The following GLIS3 variants were observed in gnomAD, a reference collection of about 807,000 sequenced individuals.
GLIS3 encodes the protein zinc finger protein GLIS3.
GLIS3 carries 53 observed loss-of-function variants against 78.6 expected under a neutral mutation model. The observed-to-expected ratio is 0.67, with a 90% CI of 0.54 to 0.85. GLIS3 has a LOEUF of 0.85. Ranked by LOEUF, GLIS3 falls within the 40% of genes least tolerant of loss-of-function variation. The pLI is 0.00. For missense variants in GLIS3, 1,703 were observed against 1,231.1 expected (o/e 1.38, Z -5.74); for synonymous variants, 684 against 509.9 (o/e 1.34, Z -4.60).
At chr9:4,155,644 G>C (rs1365619424) in intron 2 of GLIS3, among the ~76,000 whole-genome samples, 1 of 152,256 alleles carries the variant, frequency 6.6e-6, no homozygotes, top group East Asian at 1.9e-4. Flanking sequence ...GTCCGAGCCA[G>C]GTACAGTGTC....
At chr9:3,976,817 A>ATCC in intron 4 of GLIS3, among the ~76,000 whole-genome samples, 1 of 86,558 alleles carries the variant, frequency 1.2e-5, no homozygotes, top group Non-Finnish European at 2.7e-5. Flanking sequence ...AAAAAAAAAA[A>ATCC]AAAAAAAAAA....
At chr9:4,233,032 G>C (rs989775031) in intron 2 of GLIS3, among the ~76,000 whole-genome samples, 1 of 152,160 alleles carries the variant, frequency 6.6e-6, no homozygotes, top group Non-Finnish European at 1.5e-5. Flanking sequence ...CCACACGACA[G>C]CAATGCTTAT....
the GLIS3 span, among the ~76,000 whole-genome samples, chr9:4,435,948 C>CAAAA: frequency 1.0e-5 from 1 of 96,326 alleles, no homozygotes; most frequent in African/African-American, 3.0e-5. Flanking sequence ...GACTCCGTCT[C>CAAAA]AAAACAAAAC....
chr9:3,969,802 G>A (rs1486765311), intron 4 of GLIS3, among the ~76,000 whole-genome samples: 1 of 152,172 alleles, frequency 6.6e-6, no homozygotes, highest in African/African-American at 2.4e-5. Flanking sequence ...CCTAATGACA[G>A]GAAAGCTAGG....
intron 2 of GLIS3, among the ~76,000 whole-genome samples, chr9:4,178,437 G>A (rs1365093218): frequency 6.6e-6 from 1 of 152,178 alleles, no homozygotes; most frequent in Non-Finnish European, 1.5e-5. Flanking sequence ...TGAGATAGGA[G>A]AAGGAGGGGA....
At chr9:4,011,564 C>T (rs1822013842) in intron 4 of GLIS3, among the ~76,000 whole-genome samples, 1 of 152,168 alleles carries the variant, frequency 6.6e-6, no homozygotes, top group South Asian at 2.1e-4. Context: ...GTCTAGAATA[C>T]AAAGCTGCCT....
At chr9:4,069,013 TAAGTGGCTTGTTCA>T (rs1827357590) in intron 4 of GLIS3, among the ~76,000 whole-genome samples, 1 of 152,060 alleles carries the variant, frequency 6.6e-6, no homozygotes, top group Non-Finnish European at 1.5e-5. Flanking sequence ...CCCAGAAAAG[TAAGTGGCTTGTTCA>T]TGTCAGGCCA....
intron 2 of GLIS3, among the ~76,000 whole-genome samples, chr9:4,223,391 G>C (rs1821499855): frequency 6.6e-6 from 1 of 152,188 alleles, no homozygotes; most frequent in Non-Finnish European, 1.5e-5. Context: ...GAGATTAAAA[G>C]CCTGTTAAGT....
intron 2 of GLIS3, among the ~76,000 whole-genome samples, chr9:4,134,539 C>T (rs991180769): frequency 1.3e-5 from 2 of 152,162 alleles, no homozygotes; most frequent in Non-Finnish European, 2.9e-5. Flanking sequence ...ATACTATACA[C>T]CCTACATGGT....
chr9:4,326,925 G>A (rs1048099007), intron 2 of GLIS3, among the ~76,000 whole-genome samples: 2 of 152,142 alleles, frequency 1.3e-5, no homozygotes, highest in African/African-American at 4.8e-5. Context: ...CACCACCAAA[G>A]GATAAAGTTA....
At chr9:4,027,700 A>C (rs1246858880) in intron 4 of GLIS3, among the ~76,000 whole-genome samples, 1 of 152,204 alleles carries the variant, frequency 6.6e-6, no homozygotes, top group Non-Finnish European at 1.5e-5. Context: ...TCATTTCAGC[A>C]ATCACATTTG....
At chr9:3,849,599 C>G (rs952193751) in intron 9 of GLIS3, among the ~76,000 whole-genome samples, 1 of 152,142 alleles carries the variant, frequency 6.6e-6, no homozygotes, top group African/African-American at 2.4e-5. Context: ...TGCACTGTTT[C>G]CTGTTAGACG....
chr9:3,830,054 C>A (rs1382065671), intron 9 of GLIS3, among the ~76,000 whole-genome samples: 1 of 152,052 alleles, frequency 6.6e-6, no homozygotes, highest in Non-Finnish European at 1.5e-5. Context: ...TATTGTTGAT[C>A]TTTGCAGTAA....
At chr9:4,163,191 C>A (rs1229561228) in intron 2 of GLIS3, among the ~76,000 whole-genome samples, 1 of 152,232 alleles carries the variant, frequency 6.6e-6, no homozygotes, top group Admixed American at 6.5e-5. Flanking sequence ...CTGCCTGGGT[C>A]CATAGCTGCT....
Position 4,189,924 on chromosome 9 carries a change from G to A in GLIS3, c.389-63983C>T, listed in dbSNP as rs147209230. 2.9e-3 allele frequency among the ~76,000 whole-genome samples: 443 copies of A among 152,100 alleles called. 2 individuals carry two copies. Among genetic ancestry groups the A allele is most frequent in the African/African-American group, 0.01 (427 of 41,486 alleles). ...TGCTGCTGATACCCAGGCAAACAGCGTCTGGAGTGGACCTCTAGCAAACTC... is the reference window on the plus strand; with the variant it reads ...TGCTGCTGATACCCAGGCAAACAGCATCTGGAGTGGACCTCTAGCAAACTC... On this transcript the variant is annotated intron_variant, in intron 2 of 10. Coordinates refer to ENST00000381971, the MANE Select transcript of GLIS3 (RefSeq NM_001042413.2).
At chr9:3,888,830 T>C (rs1822243579) in intron 7 of GLIS3, among the ~76,000 whole-genome samples, 1 of 152,098 alleles carries the variant, frequency 6.6e-6, no homozygotes, top group African/African-American at 2.4e-5. Context: ...TTTTTTCAAA[T>C]AATTTTTATG....
intron 6 of GLIS3, among the ~76,000 whole-genome samples, chr9:3,922,435 T>G (rs534842216): frequency 2.2e-4 from 34 of 152,210 alleles, no homozygotes; most frequent in Admixed American, 5.2e-4. Context: ...TTGGTTTCAA[T>G]GAAAGTTTGC....
At chr9:4,020,719 C>A (rs1309722237) in intron 4 of GLIS3, among the ~76,000 whole-genome samples, 2 of 152,206 alleles carry the variant, frequency 1.3e-5, no homozygotes, top group Admixed American at 6.5e-5. Context: ...ATTATTTACA[C>A]GGTGTCAGAT....
chr9:4,356,585 C>A, the GLIS3 span, among the ~76,000 whole-genome samples: 1 of 152,226 alleles, frequency 6.6e-6, no homozygotes, highest in Non-Finnish European at 1.5e-5. Flanking sequence ...TAGGGTCAAG[C>A]TGTCTCTATT....
Sources: allele counts gnomAD v4.1 joint callset (sites outside exome capture counted in the v4.1 genomes callset), GRCh38; gene constraint gnomAD v4.1.1; transcripts MANE v1.5; gene names NCBI Gene and HGNC (gene_info 2026-07-23, HGNC 2026-07-21).